SGCZ: variants seen among roughly 807,000 people sequenced by gnomAD.
SGCZ encodes zeta-sarcoglycan.
SGCZ carries 40 observed loss-of-function variants against 41.3 expected under a neutral mutation model. That is an observed-to-expected ratio of 0.97 (90% confidence interval 0.75 to 1.26). SGCZ has a LOEUF of 1.26. SGCZ is among the 50% of genes most tolerant of loss of function. SGCZ has a pLI of 0.00. For missense variants in SGCZ, 552 were observed against 369.8 expected, an observed-to-expected ratio of 1.49 and a Z score of -4.04; for synonymous variants, 206 against 137.5, an observed-to-expected ratio of 1.50 and a Z score of -3.49.
intron 1 of SGCZ, among the ~76,000 whole-genome samples, chr8:14,576,181 G>A (rs970616221): frequency 6.6e-6 from 1 of 152,104 alleles, no homozygotes; most frequent in Non-Finnish European, 1.5e-5. Context: ...TAAAATGAGA[G>A]CCATGCAAAT....
chr8:15,082,467 T>C (rs1805791194), intron 1 of SGCZ, among the ~76,000 whole-genome samples: 1 of 150,544 alleles, frequency 6.6e-6, no homozygotes, highest in Non-Finnish European at 1.5e-5. Flanking sequence ...TATAAAACTG[T>C]TAAGAGAGAG....
intron 1 of SGCZ, among the ~76,000 whole-genome samples, chr8:14,680,961 TG>T (rs534572260): frequency 0.095 from 2,262 of 23,748 alleles, 120 homozygotes; most frequent in African/African-American, 0.17. Context: ...GGAAAAAGAG[TG>T]GGAAAAAAAA....
intron 4 of SGCZ, among the ~76,000 whole-genome samples, chr8:14,234,300 C>G (rs750039079): frequency 2.6e-5 from 4 of 151,980 alleles, no homozygotes; most frequent in African/African-American, 4.8e-5. Context: ...ATGGCCTAAT[C>G]ACTGGACTAC....
chr8:15,128,962 G>T (rs1403065801), intron 1 of SGCZ, among the ~76,000 whole-genome samples: 1 of 152,032 alleles, frequency 6.6e-6, no homozygotes, highest in African/African-American at 2.4e-5. Context: ...GTGAATTCCA[G>T]CCATGTTTAC....
intron 1 of SGCZ, among the ~76,000 whole-genome samples, chr8:14,777,296 T>A (rs941236640): frequency 6.6e-6 from 1 of 152,168 alleles, no homozygotes; most frequent in African/African-American, 2.4e-5. Context: ...ATAACCATGT[T>A]ATAATTACAG....
At chr8:14,830,919 A>G (rs1209897292) in intron 1 of SGCZ, among the ~76,000 whole-genome samples, 1 of 152,236 alleles carries the variant, frequency 6.6e-6, no homozygotes, top group African/African-American at 2.4e-5. Context: ...GGATCAAAGA[A>G]AAATCCAAAT....
At chr8:14,587,813 A>G (rs1805109484) in intron 1 of SGCZ, among the ~76,000 whole-genome samples, 1 of 152,196 alleles carries the variant, frequency 6.6e-6, no homozygotes, top group Non-Finnish European at 1.5e-5. Context: ...GCTCAAAATA[A>G]CAAATATGAA....
At chr8:14,692,649 T>G (rs1456793920) in intron 1 of SGCZ, among the ~76,000 whole-genome samples, 1 of 152,146 alleles carries the variant, frequency 6.6e-6, no homozygotes, top group Admixed American at 6.5e-5. Flanking sequence ...ATACAGAAAA[T>G]TTGAACTATT....
intron 1 of SGCZ, among the ~76,000 whole-genome samples, chr8:14,928,615 A>G (rs1799832808): frequency 6.6e-6 from 1 of 152,184 alleles, no homozygotes; most frequent in South Asian, 2.1e-4. Context: ...TAATCTCATT[A>G]ATTTGTGGAG....
At chr8:14,102,027 C>T (rs941581932) in intron 7 of SGCZ, among the ~76,000 whole-genome samples, 5 of 150,450 alleles carry the variant, frequency 3.3e-5, no homozygotes, top group African/African-American at 1.2e-4. Flanking sequence ...CTGCCTCAGC[C>T]TCCCAAGTAG....
intron 1 of SGCZ, among the ~76,000 whole-genome samples, chr8:14,791,475 T>C (rs1226229448): frequency 1.3e-5 from 2 of 151,990 alleles, no homozygotes; most frequent in Non-Finnish European, 2.9e-5. Context: ...AAAAAAATCC[T>C]ATTTTTCCTT....
intron 1 of SGCZ, among the ~76,000 whole-genome samples, chr8:14,912,870 A>G (rs1799317182): frequency 1.3e-5 from 2 of 152,116 alleles, no homozygotes; most frequent in African/African-American, 4.8e-5. Flanking sequence ...TCTTCTTGCA[A>G]CTGATCTGCT....
chr8:14,354,756 G>C (rs1353199866), intron 2 of SGCZ, among the ~76,000 whole-genome samples: 2 of 151,566 alleles, frequency 1.3e-5, no homozygotes, highest in African/African-American at 4.8e-5. Flanking sequence ...AAAAATACTT[G>C]CTGTGAACAT....
rs191497708 is a variant in SGCZ, at chr8:14,088,272, G to A, written c.*2171C>T. On this transcript the variant is annotated 3_prime_UTR_variant, in exon 8 of 8. Coordinates refer to ENST00000382080, the MANE Select transcript of SGCZ (RefSeq NM_139167.4). ...TAAACTGAAGCCTGGAGAGATTCTCGAACTGCCTAAAACAGCTCAATTGAT... is the reference window on the plus strand; with the variant it reads ...TAAACTGAAGCCTGGAGAGATTCTCAAACTGCCTAAAACAGCTCAATTGAT... 1.8e-3 allele frequency among the ~76,000 whole-genome samples: 276 copies of A among 151,770 alleles called. 2 individuals are homozygous for A. The highest frequency in any genetic ancestry group is 3.2e-3 in the Non-Finnish European group (214 of 67,774).
chr8:15,097,737 T>C (rs536348929), intron 1 of SGCZ, among the ~76,000 whole-genome samples: 1 of 104,950 alleles, frequency 9.5e-6, no homozygotes, highest in Non-Finnish European at 2.0e-5. Flanking sequence ...AAAAAAAAAA[T>C]ATATATATAT....
At chr8:14,174,716 G>A (rs1185962415) in intron 4 of SGCZ, among the ~76,000 whole-genome samples, 1 of 152,112 alleles carries the variant, frequency 6.6e-6, no homozygotes, top group African/African-American at 2.4e-5. Context: ...AGTGGAATAT[G>A]GTGTGCCTTG....
At chr8:14,901,007 A>G (rs1798950665) in intron 1 of SGCZ, among the ~76,000 whole-genome samples, 3 of 152,188 alleles carry the variant, frequency 2.0e-5, no homozygotes, top group African/African-American at 7.2e-5. Context: ...TTGATAATCA[A>G]ATTTATTAAT....
At chr8:14,133,917 T>A (rs1484230217) in intron 5 of SGCZ, among the ~76,000 whole-genome samples, 1 of 152,212 alleles carries the variant, frequency 6.6e-6, no homozygotes, top group Non-Finnish European at 1.5e-5. Context: ...AATAAATATA[T>A]TTAGGTACTA....
At chr8:14,879,108 T>A (rs1211439866) in intron 1 of SGCZ, 1 of 152,174 alleles carries the variant, frequency 6.6e-6, no homozygotes, top group Non-Finnish European at 1.5e-5. Flanking sequence ...GAGGATAGCT[T>A]GAGCTCAGGA....
Sources: gnomAD v4.1 joint callset for allele counts (sites outside exome capture counted in the v4.1 genomes callset) on GRCh38, gnomAD v4.1.1 for gene constraint, MANE v1.5 for transcripts, NCBI Gene and HGNC (gene_info 2026-07-23, HGNC 2026-07-21) for gene names.